Variants in CPZ observed in about 807,000 individuals in gnomAD.
The protein encoded by CPZ is VEZT/CPZ fusion.
A neutral mutation model predicts 61.8 loss-of-function variants in CPZ; 103 were observed. The ratio of observed to expected loss-of-function variants is 1.67; its 90% CI spans 1.42 to 1.96. CPZ has a LOEUF of 1.96. Ranked by LOEUF, CPZ falls within the 30% of genes most tolerant of loss-of-function variation. The probability of loss-of-function intolerance (pLI) is 0.00; values close to 1 mark genes in which losing one functional copy is unlikely to be tolerated. For synonymous variants in CPZ, 551 were observed against 373.7 expected (o/e 1.47, Z -5.47); for missense variants, 1,461 against 914.9 (o/e 1.60, Z -7.70).
intron 7 of CPZ, 71 bp from the exon 8 acceptor site, chr4:8,611,956 C>A: frequency 1.2e-6 from 2 of 1,608,334 alleles, no homozygotes; most frequent in Non-Finnish European, 1.7e-6. Context: ...AGCTCCTCCC[C>A]TCATTGACCC....
chr4:8,606,394 G>A (rs974949887), intron 5 of CPZ, among the ~76,000 whole-genome samples: 17 of 152,148 alleles, frequency 1.1e-4, no homozygotes, highest in South Asian at 2.1e-4. Context: ...AAGGTGATGC[G>A]TGTGATAGAG....
chr4:8,609,123 CTCATT>C (rs1375619715), intron 7 of CPZ, among the ~76,000 whole-genome samples: 3 of 48,696 alleles, frequency 6.2e-5, no homozygotes, highest in African/African-American at 3.1e-4. Context: ...CACTCCCTCA[CTCATT>C]CACTCATTTA....
intron 6 of CPZ, 62 bp downstream of exon 6, chr4:8,606,960 C>T: frequency 1.3e-6 from 2 of 1,517,000 alleles, no homozygotes; most frequent in South Asian, 1.2e-5. Flanking sequence ...CTAGTTATTC[C>T]AGGCTCTCTG....
rs148258197 is a variant in CPZ, at chr4:8,619,536, G to T, written c.1878G>T (p.Ser626=). The T allele has an allele frequency of 9.1e-5, 144 of 1,578,166 alleles. No individual in the cohort carries two copies. The African/African-American group carries it at 1.8e-3, about 19-fold the overall frequency. ...CGCTCCGGGCGCGCAGGCAGCCCTC[G>T]GCCGACGGGAGTAAGCCCTGGTGGT... ...PDPLRARRQP[S]ADGSKPWWWS... is the part of the protein sequence containing the mutation. Residue 626 remains serine (S), a synonymous_variant, in exon 11 of 11, where the codon TCG becomes TCT. Coordinates refer to ENST00000360986, the MANE Select transcript of CPZ (RefSeq NM_001014447.3).
chr4:8,618,585 C>T (rs574620736), intron 10 of CPZ, 57 bp downstream of exon 10: 84 of 1,516,374 alleles, frequency 5.5e-5, no homozygotes, highest in South Asian at 2.2e-4. Context: ...AATGCCACAC[C>T]GTGGCAGCCG....
At chr4:8,613,997 T>G (rs1195754028) in intron 8 of CPZ, among the ~76,000 whole-genome samples, 1 of 152,196 alleles carries the variant, frequency 6.6e-6, no homozygotes, top group South Asian at 2.1e-4. Context: ...AGAGACAGCA[T>G]GGGGGTGGGG....
rs1322368707 is a variant in CPZ at position 8,607,292 on chromosome 4, T to G, written c.1094T>G (p.Met365Arg). The change falls in exon 7 of 11, where the codon ATG becomes AGG. Residue 365 changes from methionine (M) to arginine (R), a missense_variant. By Grantham distance (91) the Met-to-Arg change is moderately conservative. Transcript: ENST00000360986. ...GKVAPETKAI[M>R]KWMQTIPFVL... Reference sequence around the variant, plus strand: ...GTGGCCCCGGAGACAAAGGCAATCATGAAGTGGATGCAGACCATACCCTTT... The same window carrying G: ...GTGGCCCCGGAGACAAAGGCAATCAGGAAGTGGATGCAGACCATACCCTTT... 3 of 1,614,068 alleles carry G rather than the reference T, an allele frequency of 1.9e-6. No homozygotes were observed. The African/African-American group carries it at 4.0e-5, about 22-fold the overall frequency.
At chr4:8,599,718 C>T (rs751305435) in intron 2 of CPZ, 274 of 1,101,102 alleles carry the variant, frequency 2.5e-4, no homozygotes, top group Middle Eastern at 2.0e-3. Flanking sequence ...CCCACCCCAG[C>T]CCCTGCAGAG....
intron 7 of CPZ, among the ~76,000 whole-genome samples, chr4:8,609,251 A>ATT (rs1560298331): frequency 1.5e-4 from 10 of 65,056 alleles, no homozygotes; most frequent in African/African-American, 5.7e-4. Context: ...TTCACTCATC[A>ATT]CTCACTCATT....
chr4:8,619,350 A>G lies in CPZ; in HGVS notation c.1692A>G (p.Lys564=). 1 of 1,614,196 alleles carries G rather than the reference A, an allele frequency of 6.2e-7. No individual in the cohort carries two copies. Among genetic ancestry groups the G allele is most frequent in the South Asian group, 1.1e-5 (1 of 91,082 alleles). ...CTGGCTACGCCAAAGTCATCAAGAA[A>G]GTCATCATCCCCGCCCGGATGAAGA... ...QAPGYAKVIK[K]VIIPARMKRA... is the part of the protein sequence containing the mutation. The change falls in exon 11 of 11, where the codon AAA becomes AAG. Residue 564 remains lysine, a synonymous_variant. Coordinates refer to ENST00000360986, the MANE Select transcript of CPZ (RefSeq NM_001014447.3).
Position 8,607,188 on chromosome 4 carries a change from G to C in CPZ, c.1069-79G>C, listed in dbSNP as rs1011096317. 1.1e-5 allele frequency: 16 copies of C among 1,501,166 alleles called. No homozygotes were observed. The African/African-American group carries it at 1.9e-4, about 18-fold the overall frequency. The allele number at this position is 1,501,166 out of a possible 1,614,324, so 93.0% of individuals were successfully genotyped here. On this transcript the variant is annotated intron_variant, in intron 6 of 10. Coordinates refer to ENST00000360986, the MANE Select transcript of CPZ (RefSeq NM_001014447.3). ...ATAGTCTGCACCATTGGAGCCCAGA[G>C]GGCTGCTGAAGCCCAGGGCATGGCT...
chr4:8,610,315 T>G (rs1715546314), intron 7 of CPZ, among the ~76,000 whole-genome samples: 1 of 152,214 alleles, frequency 6.6e-6, no homozygotes, highest in Admixed American at 6.5e-5. Flanking sequence ...AGGTCAGGCC[T>G]GTGTTAGCCA....
chr4:8,609,065 TCACTCACCACTCATA>T (rs1715316487), intron 7 of CPZ, among the ~76,000 whole-genome samples: 1 of 112,578 alleles, frequency 8.9e-6, no homozygotes, highest in Non-Finnish European at 2.1e-5. Context: ...CCTCACTCCC[TCACTCACCACTCATA>T]CATTCACCCA....
At position 8,594,322 on chromosome 4, in the gene CPZ, T is replaced by C. The variant is rs565963742; in HGVS notation, c.88+1401T>C. 1.2e-3 allele frequency among the ~76,000 whole-genome samples: 178 copies of C among 152,344 alleles called. 1 individual carries two copies. Among genetic ancestry groups the C allele is most frequent in the Non-Finnish European group, 2.0e-3 (135 of 68,028 alleles). On this transcript the variant is annotated intron_variant, in intron 1 of 10. Transcript: ENST00000360986. ...CCCCCACCCCGGGCTGCCATGTCCC[T>C]GTCTCGCCATCTGGGTCTTGCTGAG...
chr4:8,605,426 T>A (rs1037564223), intron 4 of CPZ, among the ~76,000 whole-genome samples: 2 of 151,284 alleles, frequency 1.3e-5, no homozygotes, highest in Admixed American at 1.3e-4. Flanking sequence ...CCACTCATCA[T>A]CCATCCATTT....
chr4:8,605,580 C>A (rs796122973), intron 4 of CPZ, among the ~76,000 whole-genome samples: 3 of 149,896 alleles, frequency 2.0e-5, no homozygotes, highest in South Asian at 2.1e-4. Context: ...TCCATCCAGC[C>A]ATCCAGCCAG....
intron 5 of CPZ, 80 bp downstream of exon 5, chr4:8,606,265 C>CATTTATGAGTAGGAAGGA: frequency 2.9e-6 from 4 of 1,376,430 alleles, no homozygotes; most frequent in Non-Finnish European, 3.9e-6. Flanking sequence ...TAGTTTATCC[C>CATTTATGAGTAGGAAGGA]AGCAGTGCTT....
chr4:8,617,661 T>G (rs970092881), intron 9 of CPZ, among the ~76,000 whole-genome samples: 20 of 152,268 alleles, frequency 1.3e-4, no homozygotes, highest in African/African-American at 4.3e-4. Context: ...CTGAGCCCCG[T>G]GCAGGGCCCG....
rs1418816872 is a variant in CPZ, at chr4:8,601,289, C to G, written c.288C>G (p.Asp96Glu). 6.2e-7 allele frequency: 1 copy of G among 1,613,282 alleles called. No homozygotes were observed. Among genetic ancestry groups the G allele is most frequent in the South Asian group, 1.1e-5 (1 of 91,050 alleles). Residue 96 changes from aspartate (D) to glutamate (E), a missense_variant, in exon 3 of 11, where the codon GAC becomes GAG. By Grantham distance (45) the Asp-to-Glu change is conservative. Transcript: ENST00000360986. ...TCCTGGAAGGCCAGTGCAACCCGGA[C>G]CTGCGGCTGCTGGGCTGTGCTGTGC... ...HQLLEGQCNP[D>E]LRLLGCAVLA...
Sources: allele counts gnomAD v4.1 joint callset (sites outside exome capture counted in the v4.1 genomes callset), GRCh38; gene constraint gnomAD v4.1.1; transcripts MANE v1.5; gene names NCBI Gene and HGNC (gene_info 2026-07-23, HGNC 2026-07-21).